The following SREK1 variants were observed in gnomAD, a reference collection of about 807,000 sequenced individuals.
The protein encoded by SREK1 is splicing regulatory glutamic acid and lysine rich protein 1.
Under a neutral mutation model 66.5 loss-of-function variants are expected in SREK1, and 13 were observed. The ratio of observed to expected loss-of-function variants is 0.20; its 90% confidence interval spans 0.13 to 0.31. The LOEUF (loss-of-function observed/expected upper bound fraction) is 0.31, where lower values mean the gene tolerates loss of function less well. Ranked by LOEUF, SREK1 falls within the 10% of genes least tolerant of loss-of-function variation. SREK1 has a pLI of 1.00. For synonymous variants in SREK1, 265 were observed against 263.5 expected (o/e 1.01, Z -0.05); for missense variants, 607 against 769.6 (o/e 0.79, Z 2.50).
At chr5:66,173,259 C>T (rs1202404163) in intron 9 of SREK1, among the ~76,000 whole-genome samples, 2 of 152,030 alleles carry the variant, frequency 1.3e-5, no homozygotes, top group African/African-American at 2.4e-5. Context: ...AACATTGTCT[C>T]CTAATTTATA....
chr5:66,172,658 A>C (rs927528185), intron 9 of SREK1, among the ~76,000 whole-genome samples: 1 of 152,042 alleles, frequency 6.6e-6, no homozygotes, highest in African/African-American at 2.4e-5. Context: ...GGCCTCCCAA[A>C]GTGCTGGGAT....
At chr5:66,149,140 T>G (rs950839136) in intron 1 of SREK1, among the ~76,000 whole-genome samples, 4 of 152,066 alleles carry the variant, frequency 2.6e-5, no homozygotes, top group African/African-American at 9.7e-5. Flanking sequence ...GATCACGAGG[T>G]CAGGAGTTCG....
chr5:66,175,130 T>A, intron 10 of SREK1, 89 bp downstream of exon 10: 2 of 1,116,474 alleles, frequency 1.8e-6, no homozygotes, highest in Non-Finnish European at 2.5e-6. Context: ...TTTTTAAACT[T>A]TATATTTTGA....
chr5:66,176,992 G>T (rs949391705), intron 10 of SREK1, among the ~76,000 whole-genome samples: 3 of 151,870 alleles, frequency 2.0e-5, no homozygotes, highest in Non-Finnish European at 4.4e-5. Flanking sequence ...TTGTATTTTT[G>T]AAACAAATAC....
intron 6 of SREK1, chr5:66,164,291 A>T: frequency 3.7e-6 from 1 of 268,000 alleles, no homozygotes; most frequent in Non-Finnish European, 7.3e-6. Flanking sequence ...TTAGAAGTAG[A>T]GAAGAGAGCC....
At chr5:66,174,376 T>G (rs967130024) in intron 9 of SREK1, among the ~76,000 whole-genome samples, 2 of 151,764 alleles carry the variant, frequency 1.3e-5, no homozygotes, top group Non-Finnish European at 2.9e-5. Context: ...ACAACAGTAA[T>G]GAAATGATAG....
chr5:66,162,081 C>G (rs756407812), intron 3 of SREK1, 28 bp from the exon 4 acceptor site: 3 of 1,602,606 alleles, frequency 1.9e-6, no homozygotes, highest in Non-Finnish European at 2.6e-6. Context: ...AATATGTGTT[C>G]TGTGTGTTTT....
rs570411919 is a variant in SREK1 at position 66,173,873 on chromosome 5, C to G, written c.1485-1073C>G. 1.4e-4 allele frequency among the ~76,000 whole-genome samples: 22 copies of G among 152,232 alleles called. No homozygotes were observed. In the South Asian group the frequency reaches 4.6e-3, roughly 32 times the overall value. On this transcript the variant is annotated intron_variant, in intron 9 of 11. Coordinates refer to ENST00000334121, the MANE Select transcript of SREK1 (RefSeq NM_001077199.3). ...CATTAGAAGTGTAATTGTGGAGTGT[C>G]TTGGGAATAAAAGTGGGTAATGGAG...
In SREK1 at chr5:66,177,518, A is replaced by T. The variant is rs1037330931; in HGVS notation, c.1585A>T (p.Asn529Tyr). The change falls in exon 11 of 12, where the codon AAT becomes TAT. Residue 529 changes from asparagine to tyrosine, a missense_variant. Transcript: ENST00000334121. ...SSRSPSPRSR[N>Y]KKDKKREKER... The stretch of plus-strand genomic sequence containing the variant: ...GACATATCAATATTCTTATAGCAGA[A>T]ATAAGAAGGATAAAAAGAGAGAAAA... The T allele has an allele frequency of 6.3e-7, 1 of 1,583,146 alleles. No homozygotes were observed. The highest frequency in any genetic ancestry group is 1.4e-5 in the African/African-American group (1 of 72,856).
Position 66,144,426 on chromosome 5 carries a change from C to G in SREK1, c.50C>G (p.Pro17Arg). The G allele has an allele frequency of 6.4e-7, 1 of 1,551,658 alleles. No individual in the cohort carries two copies. The highest frequency in any genetic ancestry group is 8.7e-7 in the Non-Finnish European group (1 of 1,146,962). The change falls in exon 1 of 12, where the codon CCC becomes CGC. Residue 17 changes from proline (P) to arginine (R), a missense_variant. This residue lies in a region of SREK1 where 75 missense variants were observed against 72.9 expected (regional missense o/e 1.03). Coordinates refer to ENST00000334121, the MANE Select transcript of SREK1 (RefSeq NM_001077199.3). Reference protein sequence around the residue: ...FGLGLGFGLTPTSVIQVTNLS... With the variant: ...FGLGLGFGLTRTSVIQVTNLS... ...TTGGGCTTAGGCTTCGGCCTCACCC[C>G]CACGTCGGTGATTCAGGTGACGAAT...
intron 7 of SREK1, chr5:66,166,476 T>A (rs1283586474): frequency 2.0e-5 from 3 of 152,260 alleles, no homozygotes; most frequent in East Asian, 3.9e-4. Context: ...ATATTCCTTT[T>A]TTTTCCCCCC....
chr5:66,159,005 A>AT, intron 2 of SREK1: 5 of 1,397,126 alleles, frequency 3.6e-6, no homozygotes, highest in Non-Finnish European at 4.7e-6. Flanking sequence ...CATTAATGAG[A>AT]TTGTTAATAT....
rs2112123590 is a variant in SREK1, at chr5:66,179,640, A to T, written c.*772A>T. ...CTTTTTAAATTTTCTTGACATTTCCAAGCTTATTATGAATAATATTGCAGT... is the reference window on the plus strand; with the variant it reads ...CTTTTTAAATTTTCTTGACATTTCCTAGCTTATTATGAATAATATTGCAGT... On this transcript the variant is annotated 3_prime_UTR_variant, in exon 12 of 12. Coordinates refer to ENST00000334121, the MANE Select transcript of SREK1 (RefSeq NM_001077199.3). The T allele has an allele frequency of 6.6e-6, 1 of 152,660 alleles. No homozygotes were observed. The highest frequency in any genetic ancestry group is 2.4e-5 in the African/African-American group (1 of 41,578). The allele number at this position is 152,660 out of a possible 1,614,324, so 9.5% of individuals were successfully genotyped here.
At position 66,181,401 on chromosome 5, in the gene SREK1, G is replaced by A. The variant is rs952462039; in HGVS notation, c.*2533G>A. 6 of 151,898 alleles carry A rather than the reference G, an allele frequency of 4.0e-5. No homozygotes were observed. Among genetic ancestry groups the A allele is most frequent in the Non-Finnish European group, 8.8e-5 (6 of 67,960 alleles). The allele number at this position is 151,898 out of a possible 1,614,324, so 9.4% of individuals were successfully genotyped here. On this transcript the variant is annotated 3_prime_UTR_variant, in exon 12 of 12. Transcript: ENST00000334121. ...TCATTTGTTTATTCTTTTCTTTCAG[G>A]GTATTTTGTTTTTTTCTTTAAGACT... is the stretch of plus-strand genomic sequence containing the variant.
intron 2 of SREK1, chr5:66,158,826 A>G (rs528559300): frequency 7.7e-7 from 1 of 1,290,498 alleles, no homozygotes; most frequent in South Asian, 1.2e-5. Flanking sequence ...GCCAACACGA[A>G]CGGTTGTCAT....
chr5:66,153,667 A>G, intron 2 of SREK1, 71 bp downstream of exon 2: 5 of 1,594,444 alleles, frequency 3.1e-6, no homozygotes, highest in Non-Finnish European at 4.3e-6. Context: ...GCTTTCCTAG[A>G]GATTGGCAAG....
intron 1 of SREK1, among the ~76,000 whole-genome samples, chr5:66,151,934 C>T (rs1467833781): frequency 6.6e-6 from 1 of 150,604 alleles, no homozygotes; most frequent in African/African-American, 2.4e-5. Context: ...CAAGCTCCGC[C>T]TCCCGGGTTC....
chr5:66,145,069 GTT>G, intron 1 of SREK1: 2 of 985,810 alleles, frequency 2.0e-6, no homozygotes, highest in Non-Finnish European at 2.4e-6. Context: ...TAGCATTTTG[GTT>G]TATCTAACCG....
rs985675504 is a variant in SREK1, at chr5:66,181,465, T to G, written c.*2597T>G. ...CCCAGGTAGATGTTGTCAGATAAAC[T>G]TGAGGTAAGGCCAAGAAGACAGACA... On this transcript the variant is annotated 3_prime_UTR_variant, in exon 12 of 12. Coordinates refer to ENST00000334121, the MANE Select transcript of SREK1 (RefSeq NM_001077199.3). 6 of 152,216 alleles carry G rather than the reference T, an allele frequency of 3.9e-5. No homozygotes were observed. The highest frequency in any genetic ancestry group is 1.4e-4 in the African/African-American group (6 of 41,472). 9.4% of individuals were successfully genotyped at this position (152,216 alleles called of 1,614,324 possible).
Sources: allele counts gnomAD v4.1 joint callset (sites outside exome capture counted in the v4.1 genomes callset), GRCh38; gene constraint gnomAD v4.1.1; regional missense constraint gnomAD v4.1.1; transcripts MANE v1.5; gene names NCBI Gene and HGNC (gene_info 2026-07-23, HGNC 2026-07-21).